NRSN1: variants seen among roughly 807,000 people sequenced by gnomAD.
NRSN1 encodes the protein neurensin-1.
NRSN1 carries 14 observed loss-of-function variants against 17.3 expected under a neutral mutation model. The observed-to-expected ratio is 0.81, with a 90% CI of 0.54 to 1.27. NRSN1 has a LOEUF of 1.27. Among genes scored for constraint, NRSN1 ranks in the 50% most tolerant of loss-of-function variants. NRSN1 has a pLI of 0.00. For missense variants in NRSN1, 209 were observed against 235.9 expected, an observed-to-expected ratio of 0.89 and a Z score of 0.75; for synonymous variants, 79 against 94.2, an observed-to-expected ratio of 0.84 and a Z score of 0.93.
chr6:24,139,106 T>C (rs779156249), intron 3 of NRSN1, among the ~76,000 whole-genome samples: 5 of 152,172 alleles, frequency 3.3e-5, no homozygotes, highest in Non-Finnish European at 7.3e-5. Flanking sequence ...TTAAACAAAA[T>C]CTTCCCAATC....
At chr6:24,138,499 T>C (rs1487371748) in intron 3 of NRSN1, among the ~76,000 whole-genome samples, 1 of 152,140 alleles carries the variant, frequency 6.6e-6, no homozygotes, top group Non-Finnish European at 1.5e-5. Context: ...AGTCATTCCC[T>C]CCTCACCTCA....
At chr6:24,134,036 GTGTGTT>G (rs1298361069) in intron 2 of NRSN1, among the ~76,000 whole-genome samples, 1 of 151,572 alleles carries the variant, frequency 6.6e-6, no homozygotes, top group East Asian at 1.9e-4. Flanking sequence ...GTGTGTGTGT[GTGTGTT>G]TTTAGTAGAG....
chr6:24,133,384 T>C (rs1003432596), intron 2 of NRSN1, among the ~76,000 whole-genome samples: 1 of 152,270 alleles, frequency 6.6e-6, no homozygotes, highest in Admixed American at 6.5e-5. Flanking sequence ...AGGCATAAAT[T>C]GCTCAGCAGC....
chr6:24,136,847 AG>A (rs1489151233), intron 3 of NRSN1, among the ~76,000 whole-genome samples: 1 of 152,182 alleles, frequency 6.6e-6, no homozygotes, highest in Admixed American at 6.5e-5. Context: ...ACAAAACACA[AG>A]AAGCCTAGTG....
intron 3 of NRSN1, among the ~76,000 whole-genome samples, chr6:24,142,525 C>T (rs1760226812): frequency 6.6e-6 from 1 of 152,006 alleles, no homozygotes; most frequent in Non-Finnish European, 1.5e-5. Flanking sequence ...ACAATGTGAT[C>T]TCGGCTCACT....
intron 1 of NRSN1, among the ~76,000 whole-genome samples, 168 bp downstream of exon 1, chr6:24,126,508 A>C (rs1759950774): frequency 6.6e-6 from 1 of 152,024 alleles, no homozygotes; most frequent in Non-Finnish European, 1.5e-5. Context: ...TATGTGCACC[A>C]ATCTCCACAA....
intron 3 of NRSN1, chr6:24,141,238 G>A: frequency 1.1e-5 from 14 of 1,266,336 alleles, no homozygotes; most frequent in Non-Finnish European, 1.4e-5. Flanking sequence ...TGTTAGACCT[G>A]GGACCAATTC....
chr6:24,130,807 T>TA (rs553409828), intron 2 of NRSN1, among the ~76,000 whole-genome samples: 58 of 152,116 alleles, frequency 3.8e-4, no homozygotes, highest in African/African-American at 1.2e-3. Flanking sequence ...GTTCGTTCAA[T>TA]AAAAAAATGA....
At chr6:24,138,622 C>A (rs1433420545) in intron 3 of NRSN1, among the ~76,000 whole-genome samples, 1 of 152,184 alleles carries the variant, frequency 6.6e-6, no homozygotes, top group Non-Finnish European at 1.5e-5. Flanking sequence ...CAAGGTGTGA[C>A]CGCCTCCTCC....
chr6:24,142,785 C>T (rs1340912126), intron 3 of NRSN1, among the ~76,000 whole-genome samples: 1 of 152,028 alleles, frequency 6.6e-6, no homozygotes, highest in African/African-American at 2.4e-5. Context: ...TAGTGCGGAC[C>T]CAGAGTCAGC....
chr6:24,130,147 AT>A (rs1449913470), intron 2 of NRSN1, among the ~76,000 whole-genome samples: 2 of 152,220 alleles, frequency 1.3e-5, no homozygotes, highest in Non-Finnish European at 2.9e-5. Context: ...ACAATCATAG[AT>A]TTAACCTTTT....
rs1039405085 is a variant in NRSN1, at chr6:24,146,199, C to G, written c.*253C>G. On this transcript the variant is annotated 3_prime_UTR_variant, in exon 4 of 4. Coordinates refer to ENST00000378491, the MANE Select transcript of NRSN1 (RefSeq NM_080723.5). ...CTTGTACCCGGCCACCAGAAAACCCCTGGAACTCCTCTTTCATAGATCGTG... is the reference window on the plus strand; with the variant it reads ...CTTGTACCCGGCCACCAGAAAACCCGTGGAACTCCTCTTTCATAGATCGTG... 1.5e-6 allele frequency: 1 copy of G among 689,142 alleles called. No homozygotes were observed. Among genetic ancestry groups the G allele is most frequent in the Admixed American group, 2.0e-5 (1 of 49,160 alleles). 42.7% of individuals were successfully genotyped at this position (689,142 alleles called of 1,614,324 possible).
intron 3 of NRSN1, among the ~76,000 whole-genome samples, chr6:24,135,243 G>A (rs1266303318): frequency 2.0e-5 from 3 of 152,190 alleles, no homozygotes; most frequent in Admixed American, 6.5e-5. Context: ...GGGGGTGATG[G>A]AGACTGGTAT....
At chr6:24,129,539 T>C (rs1160055617) in intron 2 of NRSN1, 3 of 152,172 alleles carry the variant, frequency 2.0e-5, no homozygotes, top group African/African-American at 7.2e-5. Context: ...GAATATCAGA[T>C]AGTAACAAGT....
chr6:24,129,447 C>T (rs1206401677), intron 2 of NRSN1: 1 of 152,190 alleles, frequency 6.6e-6, no homozygotes, highest in Non-Finnish European at 1.5e-5. Flanking sequence ...GTCAACAGTA[C>T]AGAAAATGTC....
In NRSN1 at chr6:24,134,623, C is replaced by G. The variant is rs181746663; in HGVS notation, c.189+107C>G. 21 of 875,954 alleles carry G rather than the reference C, an allele frequency of 2.4e-5. No individual in the cohort carries two copies. In the Admixed American group the frequency reaches 2.5e-4, roughly 10 times the overall value. The allele number at this position is 875,954 out of a possible 1,614,324, so 54.3% of individuals were successfully genotyped here. A position where few individuals can be genotyped will look rare whatever the true frequency, so the allele number is the denominator to read the frequency against. The stretch of plus-strand genomic sequence containing the variant: ...GGTTTAGTACTCGCTGTGTGTGCAT[C>G]ACTCTTGGTGATACTAAATGCATTT... On this transcript the variant is annotated intron_variant, in intron 3 of 3. Coordinates refer to ENST00000378491, the MANE Select transcript of NRSN1 (RefSeq NM_080723.5).
Position 24,146,301 on chromosome 6 carries a change from T to C in NRSN1, c.*355T>C. ...CTCACCAATGGCTAATGTGGTCCATTTTATTTTCTAATATTGGTTTATCTA... is the reference window on the plus strand; with the variant it reads ...CTCACCAATGGCTAATGTGGTCCATCTTATTTTCTAATATTGGTTTATCTA... On this transcript the variant is annotated 3_prime_UTR_variant, in exon 4 of 4. Coordinates refer to ENST00000378491, the MANE Select transcript of NRSN1 (RefSeq NM_080723.5). 1.9e-6 allele frequency: 1 copy of C among 525,030 alleles called. No individual in the cohort carries two copies. The highest frequency in any genetic ancestry group is 3.8e-6 in the Non-Finnish European group (1 of 262,868). 32.5% of individuals were successfully genotyped at this position (525,030 alleles called of 1,614,324 possible).
At chr6:24,141,975 G>A (rs867955359) in intron 3 of NRSN1, among the ~76,000 whole-genome samples, 1 of 152,130 alleles carries the variant, frequency 6.6e-6, no homozygotes, top group African/African-American at 2.4e-5. Context: ...TTAGTTTAGT[G>A]ACATAGGAAG....
intron 3 of NRSN1, chr6:24,141,133 G>A: frequency 7.7e-7 from 1 of 1,294,548 alleles, no homozygotes; most frequent in Non-Finnish European, 9.9e-7. Flanking sequence ...CAACTCTTCT[G>A]TGTGGCCCTA....
Sources: allele counts gnomAD v4.1 joint callset (sites outside exome capture counted in the v4.1 genomes callset), GRCh38; gene constraint gnomAD v4.1.1; transcripts MANE v1.5; gene names NCBI Gene and HGNC (gene_info 2026-07-23, HGNC 2026-07-21).